The following SLC4A4 variants were observed in gnomAD, a reference collection of about 807,000 sequenced individuals.
SLC4A4 encodes the protein solute carrier family 4 member 4, also known as electrogenic sodium bicarbonate cotransporter 1.
SLC4A4 carries 27 observed loss-of-function variants against 111.5 expected under a neutral mutation model. The observed-to-expected ratio is 0.24, with a 90% CI of 0.18 to 0.33. SLC4A4 has a LOEUF of 0.33. SLC4A4 is among the 10% of genes least tolerant of loss of function. The probability of loss-of-function intolerance (pLI) is 1.00; values close to 1 mark genes in which losing one functional copy is unlikely to be tolerated. For synonymous variants in SLC4A4, 443 were observed against 463.4 expected, an observed-to-expected ratio of 0.96 and a Z score of 0.57; for missense variants, 909 against 1,315.5, an observed-to-expected ratio of 0.69 and a Z score of 4.78.
At chr4:71,331,636 C>T (rs1033509949) in intron 3 of SLC4A4, among the ~76,000 whole-genome samples, 14 of 149,324 alleles carry the variant, frequency 9.4e-5, no homozygotes, top group South Asian at 6.4e-4. Context: ...ATGTAAATGA[C>T]GAGTTAATGG....
chr4:71,377,761 G>A (rs1373419789), intron 6 of SLC4A4, among the ~76,000 whole-genome samples: 1 of 152,072 alleles, frequency 6.6e-6, no homozygotes, highest in Non-Finnish European at 1.5e-5. Flanking sequence ...AAGCTGCCTC[G>A]TAAAGTTCTG....
intron 6 of SLC4A4, among the ~76,000 whole-genome samples, chr4:71,392,463 T>C (rs1016065533): frequency 1.3e-5 from 2 of 152,080 alleles, no homozygotes; most frequent in Admixed American, 6.5e-5. Flanking sequence ...TTAAGATAAC[T>C]GGTTTATTTA....
At chr4:71,339,178 C>T in intron 3 of SLC4A4, 192 bp from the exon 4 acceptor site, 1 of 1,613,752 alleles carries the variant, frequency 6.2e-7, no homozygotes, top group Non-Finnish European at 8.5e-7. Flanking sequence ...AGTTCAGAAC[C>T]AAAGGAATAG....
At chr4:71,381,559 T>C (rs1269129682) in intron 6 of SLC4A4, among the ~76,000 whole-genome samples, 1 of 152,194 alleles carries the variant, frequency 6.6e-6, no homozygotes, top group African/African-American at 2.4e-5. Context: ...TACCCAGTTA[T>C]AGGGGTAGAG....
chr4:71,399,389 A>C (rs975013346), intron 7 of SLC4A4, among the ~76,000 whole-genome samples: 1 of 151,850 alleles, frequency 6.6e-6, no homozygotes, highest in African/African-American at 2.4e-5. Context: ...GGTGAATTCT[A>C]GAAAGTACGG....
At chr4:71,279,827 G>A (rs563605584) in intron 3 of SLC4A4, among the ~76,000 whole-genome samples, 1 of 151,952 alleles carries the variant, frequency 6.6e-6, no homozygotes, top group East Asian at 1.9e-4. Context: ...ATGGAATCTT[G>A]CTCTGTTGCC....
intron 2 of SLC4A4, among the ~76,000 whole-genome samples, chr4:71,245,919 A>G (rs1324338055): frequency 2.0e-5 from 3 of 152,174 alleles, no homozygotes; most frequent in Non-Finnish European, 4.4e-5. Flanking sequence ...GAGGGCTTTT[A>G]ATAAGGAGCT....
At chr4:71,149,897 T>C (rs893729544) in intron 2 of SLC4A4, among the ~76,000 whole-genome samples, 1 of 152,192 alleles carries the variant, frequency 6.6e-6, no homozygotes, top group African/African-American at 2.4e-5. Flanking sequence ...CAATTAGCCA[T>C]CTGGCTTAAC....
chr4:71,345,155 T>A (rs1356773398), intron 4 of SLC4A4, among the ~76,000 whole-genome samples: 2 of 152,150 alleles, frequency 1.3e-5, no homozygotes, highest in African/African-American at 4.8e-5. Flanking sequence ...TTATCAGACC[T>A]GAAAAATCGT....
At chr4:71,485,774 C>G (rs1729324382) in intron 14 of SLC4A4, among the ~76,000 whole-genome samples, 1 of 151,358 alleles carries the variant, frequency 6.6e-6, no homozygotes, top group Non-Finnish European at 1.5e-5. Context: ...TTTATCTGCT[C>G]TCATTCATTT....
chr4:71,118,806 T>C (rs552653209), intron 2 of SLC4A4, among the ~76,000 whole-genome samples: 2 of 152,288 alleles, frequency 1.3e-5, no homozygotes, highest in African/African-American at 4.8e-5. Context: ...AGGAGGGAGA[T>C]ATGGGAAAGC....
At chr4:71,423,375 G>C (rs1326226007) in intron 7 of SLC4A4, among the ~76,000 whole-genome samples, 1 of 152,122 alleles carries the variant, frequency 6.6e-6, no homozygotes, top group Non-Finnish European at 1.5e-5. Context: ...CATGCTCATG[G>C]GTAGGAAGAA....
intron 3 of SLC4A4, among the ~76,000 whole-genome samples, chr4:71,295,632 T>TTCCTC (rs200590716): frequency 0.018 from 2,713 of 151,358 alleles, 80 homozygotes; most frequent in African/African-American, 0.061. Flanking sequence ...ATTTCTTCCT[T>TTCCTC]TCCTCTCCTC....
intron 7 of SLC4A4, among the ~76,000 whole-genome samples, chr4:71,436,745 C>A (rs1461676457): frequency 6.6e-6 from 1 of 152,100 alleles, no homozygotes; most frequent in African/African-American, 2.4e-5. Flanking sequence ...ATAATTAATT[C>A]TCAACAAATA....
chr4:71,472,128 G>A (rs1472300380), intron 13 of SLC4A4, among the ~76,000 whole-genome samples: 1 of 151,880 alleles, frequency 6.6e-6, no homozygotes, highest in Non-Finnish European at 1.5e-5. Flanking sequence ...TGTCCAGAAA[G>A]TTTCTACTAC....
chr4:71,290,752 A>G (rs1428051289), intron 3 of SLC4A4, among the ~76,000 whole-genome samples: 2 of 152,174 alleles, frequency 1.3e-5, no homozygotes, highest in Non-Finnish European at 1.5e-5. Context: ...TTTTTATATT[A>G]TGTGGGAGAG....
chr4:71,478,935 A>T (rs1728621104), intron 14 of SLC4A4, among the ~76,000 whole-genome samples: 1 of 151,862 alleles, frequency 6.6e-6, no homozygotes, highest in East Asian at 2.0e-4. Flanking sequence ...TCATTTGCCT[A>T]ATGTGTAAAT....
At chr4:71,205,519 C>A (rs1717702671) in intron 1 of SLC4A4, among the ~76,000 whole-genome samples, 1 of 152,038 alleles carries the variant, frequency 6.6e-6, no homozygotes, top group Non-Finnish European at 1.5e-5. Flanking sequence ...TTCAGAGAAA[C>A]CCCTCGATAT....
intron 2 of SLC4A4, among the ~76,000 whole-genome samples, chr4:71,150,049 T>G (rs1311308868): frequency 1.3e-5 from 2 of 152,190 alleles, no homozygotes. Flanking sequence ...CTGCTTATAA[T>G]TACTTATCTG....
Sources: allele counts gnomAD v4.1 joint callset (sites outside exome capture counted in the v4.1 genomes callset), GRCh38; gene constraint gnomAD v4.1.1; transcripts MANE v1.5; gene names NCBI Gene and HGNC (gene_info 2026-07-23, HGNC 2026-07-21).